The following RCAN1 variants were observed in gnomAD, a reference collection of about 807,000 sequenced individuals.
The protein encoded by RCAN1 is regulator of calcineurin 1.
In RCAN1, 11 loss-of-function variants were observed where a neutral mutation model predicts 22.9. The observed-to-expected ratio is 0.48, with a 90% CI of 0.30 to 0.79. The LOEUF is 0.79. RCAN1 is among the 30% of genes least tolerant of loss of function. RCAN1 has a pLI of 0.06. For missense variants in RCAN1, 291 were observed against 337.8 expected, an observed-to-expected ratio of 0.86 and a Z score of 1.09; for synonymous variants, 136 against 142.3, an observed-to-expected ratio of 0.96 and a Z score of 0.32.
intron 1 of RCAN1, among the ~76,000 whole-genome samples, chr21:34,572,246 G>A (rs968255314): frequency 2.0e-5 from 3 of 152,202 alleles, no homozygotes; most frequent in African/African-American, 7.2e-5. Flanking sequence ...GGACTAGGTT[G>A]TCCGAGGGCT....
chr21:34,536,586 C>T lies in RCAN1; in HGVS notation c.253-12876G>A, dbSNP rs375484391. Among the ~76,000 whole-genome samples, 213 of 152,312 alleles carry T rather than the reference C, an allele frequency of 1.4e-3. 2 individuals are homozygous for T. The highest frequency in any genetic ancestry group is 4.8e-3 in the African/African-American group (200 of 41,562). Reference sequence around the variant, plus strand: ...TGCTGCCTGGAAAACCTTTTCCTTCCGCTGCAGCATTCCATACTCTCCTTA... The same window carrying T: ...TGCTGCCTGGAAAACCTTTTCCTTCTGCTGCAGCATTCCATACTCTCCTTA... On this transcript the variant is annotated intron_variant, in intron 1 of 3. Coordinates refer to ENST00000313806, the MANE Select transcript of RCAN1 (RefSeq NM_004414.7).
chr21:34,538,453 A>G (rs529222229), intron 1 of RCAN1, among the ~76,000 whole-genome samples: 18 of 150,742 alleles, frequency 1.2e-4, no homozygotes, highest in East Asian at 1.9e-4. Context: ...TATGTGGCAC[A>G]TACTGTGATC....
At chr21:34,579,813 T>A (rs1381748277) in intron 1 of RCAN1, among the ~76,000 whole-genome samples, 1 of 152,154 alleles carries the variant, frequency 6.6e-6, no homozygotes, top group Admixed American at 6.5e-5. Context: ...CACAACCCAG[T>A]CCTCAGAAGA....
Position 34,577,014 on chromosome 21 carries a change from G to C in RCAN1, c.252+37746C>G, listed in dbSNP as rs540333354. On this transcript the variant is annotated intron_variant, in intron 1 of 3. Transcript: ENST00000313806. ...ACCCTCTACTGAGAAAAGGCCATCA[G>C]AAGGCCGGCAGGGGTCAGCTCCATG... Among the ~76,000 whole-genome samples, 5 of 149,804 alleles carry C rather than the reference G, an allele frequency of 3.3e-5. No individual in the cohort carries two copies. The South Asian group carries it at 6.2e-4, about 19-fold the overall frequency.
At chr21:34,565,517 C>A (rs533211324) in intron 1 of RCAN1, among the ~76,000 whole-genome samples, 1 of 152,230 alleles carries the variant, frequency 6.6e-6, no homozygotes, top group East Asian at 1.9e-4. Context: ...AAGGTGAGGG[C>A]GCTGCAGCTG....
rs773508086 is a variant in RCAN1 at position 34,614,895 on chromosome 21, C to A, written c.117G>T (p.Ala39=). The change falls in exon 1 of 4, where the codon GCG becomes GCT. Residue 39 remains alanine (A), a synonymous_variant. Coordinates refer to ENST00000313806, the MANE Select transcript of RCAN1 (RefSeq NM_004414.7). This position sits in a 1 kb window ranked among gnomAD's most constrained non-coding sequence, Gnocchi z 6.0. The part of the protein sequence containing the change: ...TLRPFAPLSG[A]AEADEGGGDW... ...CGCCGCCGCCCTCGTCCGCCTCGGC[C>A]GCCCCCGAGAGGGGCGCGAAGGGCC... The A allele has an allele frequency of 5.6e-6, 8 of 1,437,118 alleles. No individual in the cohort carries two copies. In the East Asian group the frequency reaches 1.6e-4, roughly 29 times the overall value. 89.0% of individuals were successfully genotyped at this position (1,437,118 alleles called of 1,614,324 possible).
rs1988767340 is a variant in RCAN1, at chr21:34,614,590, G to A, written c.252+170C>T. The A allele has an allele frequency of 1.0e-6, 1 of 1,001,254 alleles. No homozygotes were observed. Among genetic ancestry groups the A allele is most frequent in the Non-Finnish European group, 1.2e-6 (1 of 812,544 alleles). 62.0% of individuals were successfully genotyped at this position (1,001,254 alleles called of 1,614,324 possible). Reference sequence around the variant, plus strand: ...GTGCTAGGGGACCGGGACCCTCGGGGCGCCGTCCCCACGCCCCAGCCCTGA... The same window carrying A: ...GTGCTAGGGGACCGGGACCCTCGGGACGCCGTCCCCACGCCCCAGCCCTGA... On this transcript the variant is annotated intron_variant, in intron 1 of 3. Coordinates refer to ENST00000313806, the MANE Select transcript of RCAN1 (RefSeq NM_004414.7). This position sits in a 1 kb window ranked among gnomAD's most constrained non-coding sequence, Gnocchi z 6.0.
At chr21:34,521,781 T>G (rs1984578656) in intron 2 of RCAN1, 123 bp from the exon 3 acceptor site, 1 of 760,208 alleles carries the variant, frequency 1.3e-6, no homozygotes, top group Non-Finnish European at 2.1e-6. Flanking sequence ...ACAGGTGTGA[T>G]TCCAGGACCA....
intron 1 of RCAN1, among the ~76,000 whole-genome samples, chr21:34,539,065 T>C (rs192028150): frequency 1.3e-5 from 2 of 152,268 alleles, no homozygotes; most frequent in East Asian, 3.9e-4. Flanking sequence ...TCAAGAAGAA[T>C]ATCGGTAAGA....
chr21:34,553,817 CG>C, intron 1 of RCAN1, among the ~76,000 whole-genome samples: 1 of 152,176 alleles, frequency 6.6e-6, no homozygotes, highest in African/African-American at 2.4e-5. Context: ...ACCTATAAAG[CG>C]AAATCTTTTC....
chr21:34,604,287 C>T (rs1240742800), intron 1 of RCAN1, among the ~76,000 whole-genome samples: 5 of 152,136 alleles, frequency 3.3e-5, no homozygotes, highest in Admixed American at 2.6e-4. Flanking sequence ...CCCACCACTA[C>T]GCCCGGCTAA....
intron 1 of RCAN1, among the ~76,000 whole-genome samples, chr21:34,548,330 T>G (rs2834527): frequency 0.24 from 36,763 of 152,054 alleles, 5,192 homozygotes; most frequent in African/African-American, 0.39. Flanking sequence ...TATGAAATTT[T>G]TTTTGCATGG....
In RCAN1 at chr21:34,614,945, G is replaced by GCGCCTCGGC; in HGVS notation, c.58_66dup (p.Ala20_Ala22dup). 8.3e-7 allele frequency: 1 copy of GCGCCTCGGC among 1,203,834 alleles called. No individual in the cohort carries two copies. Among genetic ancestry groups the GCGCCTCGGC allele is most frequent in the Non-Finnish European group, 1.0e-6 (1 of 971,788 alleles). The allele number at this position is 1,203,834 out of a possible 1,614,324, so 74.6% of individuals were successfully genotyped here. On this transcript the variant is annotated inframe_insertion, in exon 1 of 4. Transcript: ENST00000313806. The surrounding 1 kb of genome is among the most constrained non-coding windows in gnomAD (Gnocchi z 6.0). ...CGCAGCGTCACCCCGGGCCGCGCTC[G>GCGCCTCGGC]CGCCTCGGCCGCCTCCGCCGCCTCC...
chr21:34,534,405 G>T (rs1297046439), intron 1 of RCAN1, among the ~76,000 whole-genome samples: 1 of 152,038 alleles, frequency 6.6e-6, no homozygotes, highest in Non-Finnish European at 1.5e-5. Flanking sequence ...GTAACCTGGT[G>T]ACTCCCACCT....
intron 1 of RCAN1, among the ~76,000 whole-genome samples, chr21:34,553,113 A>G (rs1986428593): frequency 6.6e-6 from 1 of 152,200 alleles, no homozygotes; most frequent in Non-Finnish European, 1.5e-5. Context: ...AAGTATTACA[A>G]ACAAAAGAAA....
chr21:34,524,775 C>T (rs1195595643), intron 1 of RCAN1: 3 of 281,488 alleles, frequency 1.1e-5, no homozygotes, highest in East Asian at 7.2e-5. Context: ...ATGCAAAGCT[C>T]GAGGTGGGGG....
chr21:34,538,906 GC>G, intron 1 of RCAN1, among the ~76,000 whole-genome samples: 1 of 152,260 alleles, frequency 6.6e-6, no homozygotes, highest in East Asian at 1.9e-4. Context: ...AACCCGCAAG[GC>G]CCAAGCTCAA....
At chr21:34,607,675 A>G (rs1988571230) in intron 1 of RCAN1, among the ~76,000 whole-genome samples, 1 of 151,888 alleles carries the variant, frequency 6.6e-6, no homozygotes, top group Admixed American at 6.6e-5. Flanking sequence ...CCTTAGAAAG[A>G]AATCTTAATA....
chr21:34,542,217 C>T (rs140051840), intron 1 of RCAN1, among the ~76,000 whole-genome samples: 2 of 152,346 alleles, frequency 1.3e-5, no homozygotes, highest in Non-Finnish European at 2.9e-5. Context: ...TGCTCTCCTA[C>T]AGCCTTGCCA....
Sources: allele counts gnomAD v4.1 joint callset (sites outside exome capture counted in the v4.1 genomes callset), GRCh38; gene constraint gnomAD v4.1.1; non-coding constraint Gnocchi (gnomAD v3.1); transcripts MANE v1.5; gene names NCBI Gene and HGNC (gene_info 2026-07-23, HGNC 2026-07-21).